Variants in EXOSC10 observed in about 807,000 individuals in gnomAD.
EXOSC10 encodes the protein exosome complex component 10.
In EXOSC10, 94 loss-of-function variants were observed where a neutral mutation model predicts 126.6. That is an observed-to-expected ratio of 0.74 (90% confidence interval 0.63 to 0.88). The LOEUF (loss-of-function observed/expected upper bound fraction) is 0.88. Ranked by LOEUF, EXOSC10 falls within the 40% of genes least tolerant of loss-of-function variation. EXOSC10 has a pLI of 0.00. For missense variants in EXOSC10, 1,041 were observed against 1,100.5 expected (o/e 0.95, Z 0.77); for synonymous variants, 395 against 400.8 (o/e 0.99, Z 0.17).
At chr1:11,096,629 C>CGG (rs1641113546) in intron 2 of EXOSC10, among the ~76,000 whole-genome samples, 2 of 151,112 alleles carry the variant, frequency 1.3e-5, no homozygotes, top group African/African-American at 4.9e-5. Flanking sequence ...GAGTGGTGCA[C>CGG]CACCACTCCC....
At chr1:11,081,912 G>A (rs1640186467) in intron 10 of EXOSC10, among the ~76,000 whole-genome samples, 1 of 151,804 alleles carries the variant, frequency 6.6e-6, no homozygotes, top group Non-Finnish European at 1.5e-5. Flanking sequence ...GAGAAACCTC[G>A]TCTCTACTGG....
intron 12 of EXOSC10, 93 bp from the exon 13 acceptor site, chr1:11,080,642 T>C: frequency 6.2e-7 from 1 of 1,603,828 alleles, no homozygotes; most frequent in South Asian, 1.1e-5. Context: ...TAAGTTCCAT[T>C]AGATGCTGTC....
At chr1:11,099,469 C>A (rs1641306138) in intron 1 of EXOSC10, among the ~76,000 whole-genome samples, 1 of 152,210 alleles carries the variant, frequency 6.6e-6, no homozygotes, top group Non-Finnish European at 1.5e-5. Context: ...GAAGCCTTTC[C>A]CAGGATGCGA....
At chr1:11,092,743 T>A (rs1023762718) in intron 3 of EXOSC10, among the ~76,000 whole-genome samples, 2 of 152,188 alleles carry the variant, frequency 1.3e-5, no homozygotes, top group Non-Finnish European at 2.9e-5. Flanking sequence ...GGTCTTGAAC[T>A]CTTGACCTCA....
Position 11,080,804 on chromosome 1 carries a change from A to G in EXOSC10, c.1546T>C (p.Trp516Arg). 1 of 1,614,174 alleles carries G rather than the reference A, an allele frequency of 6.2e-7. No homozygotes were observed. Among genetic ancestry groups the G allele is most frequent in the East Asian group, 2.2e-5 (1 of 44,884 alleles). ...TCCCTGCGAGCTGTTTTATCCCTCC[A>G]GGCAAACAGCAGCTGAAAGGCTGTC... ...QLTAFQLLFA[W>R]RDKTARREDE... The change falls in exon 12 of 25, where the codon TGG becomes CGG. Residue 516 changes from tryptophan to arginine, a missense_variant. By Grantham distance (101) the Trp-to-Arg change is moderately radical. Around this residue, in one of 3 missense-constraint regions of EXOSC10, gnomAD observed 645 missense variants for 656.3 expected, o/e 0.98. Coordinates refer to ENST00000376936, the MANE Select transcript of EXOSC10 (RefSeq NM_001001998.3).
intron 19 of EXOSC10, among the ~76,000 whole-genome samples, chr1:11,073,254 C>T (rs184159354): frequency 6.6e-6 from 1 of 152,062 alleles, no homozygotes; most frequent in East Asian, 1.9e-4. Context: ...TGCCTCAGCC[C>T]CCCGAGTAGC....
chr1:11,095,712 T>A (rs1179455334), intron 3 of EXOSC10, 46 bp downstream of exon 3: 1 of 1,591,854 alleles, frequency 6.3e-7, no homozygotes, highest in East Asian at 2.3e-5. Flanking sequence ...AGACTCCGTC[T>A]CAAAAACAAA....
chr1:11,091,266 A>C, intron 4 of EXOSC10, 87 bp from the exon 5 acceptor site: 1 of 1,299,722 alleles, frequency 7.7e-7, no homozygotes, highest in East Asian at 2.3e-5. Flanking sequence ...CTGAGGAGAC[A>C]AGAACATCGC....
At chr1:11,067,943 C>G in intron 24 of EXOSC10, 65 bp downstream of exon 24, 1 of 1,416,772 alleles carries the variant, frequency 7.1e-7, no homozygotes, top group Non-Finnish European at 9.9e-7. Context: ...CCCCACGGAC[C>G]ACACCACGCA....
At chr1:11,094,562 A>T (rs1032533376) in intron 3 of EXOSC10, among the ~76,000 whole-genome samples, 22 of 150,676 alleles carry the variant, frequency 1.5e-4, no homozygotes, top group Admixed American at 1.5e-3. Context: ...CGGCCTCCCA[A>T]AGTGCTGGGA....
At chr1:11,066,882 G>T in intron 24 of EXOSC10, 134 bp from the exon 25 acceptor site, 2 of 1,018,652 alleles carry the variant, frequency 2.0e-6, no homozygotes, top group Non-Finnish European at 1.5e-6. Flanking sequence ...CAGAGAACTC[G>T]GCGGCCCACC....
rs1315358101 is a variant in EXOSC10, at chr1:11,099,705, G to A, written c.111+16C>T. ...CGCGGGCGACTCCTGGTACCCCCGAGGCCCCGCGAACTCACCTTCACAAAG... is the reference window on the plus strand; with the variant it reads ...CGCGGGCGACTCCTGGTACCCCCGAAGCCCCGCGAACTCACCTTCACAAAG... On this transcript the variant is annotated intron_variant, in intron 1 of 24. Coordinates refer to ENST00000376936, the MANE Select transcript of EXOSC10 (RefSeq NM_001001998.3). 2 of 1,592,914 alleles carry A rather than the reference G, an allele frequency of 1.3e-6. No homozygotes were observed. The highest frequency in any genetic ancestry group is 1.7e-6 in the Non-Finnish European group (2 of 1,168,378).
At chr1:11,096,436 C>T (rs893122550) in intron 2 of EXOSC10, among the ~76,000 whole-genome samples, 3 of 151,284 alleles carry the variant, frequency 2.0e-5, no homozygotes, top group African/African-American at 7.3e-5. Context: ...CAGGTGTGAG[C>T]CATGAGCCCA....
intron 6 of EXOSC10, 50 bp from the exon 7 acceptor site, chr1:11,088,248 C>A: frequency 7.1e-7 from 1 of 1,410,264 alleles, no homozygotes; most frequent in South Asian, 1.2e-5. Context: ...TTCCATGATT[C>A]AAGGGAAAAA....
In EXOSC10 at chr1:11,068,691, T is replaced by C. The variant is rs1313805292; in HGVS notation, c.2504A>G (p.Lys835Arg). ...ATTTGGATCAAACTGAGAAGAAACT[T>C]TGGATTTGCTGTTTCCTGAAAGGTA... ...FKAFAGNSKS[K>R]VSSQFDPNKQ... The change falls in exon 23 of 25, where the codon AAA (lysine) becomes AGA (arginine). Residue 835 changes from lysine to arginine, a missense_variant. Lys to Arg is a conservative substitution (Grantham distance 26). Coordinates refer to ENST00000376936, the MANE Select transcript of EXOSC10 (RefSeq NM_001001998.3). 1.7e-5 allele frequency: 27 copies of C among 1,613,976 alleles called. No individual in the cohort carries two copies. Among genetic ancestry groups the C allele is most frequent in the Non-Finnish European group, 2.3e-5 (27 of 1,179,994 alleles).
chr1:11,095,299 T>C (rs932245885), intron 3 of EXOSC10: 16 of 152,182 alleles, frequency 1.1e-4, no homozygotes, highest in African/African-American at 3.9e-4. Context: ...ATACCAACTA[T>C]TAGAAGGGAA....
intron 4 of EXOSC10, 58 bp from the exon 5 acceptor site, chr1:11,091,237 A>ACT: frequency 6.6e-7 from 1 of 1,504,734 alleles, no homozygotes; most frequent in Non-Finnish European, 9.1e-7. Context: ...TTAGAAAAGT[A>ACT]AATTCCAATT....
intron 16 of EXOSC10, 48 bp downstream of exon 16, chr1:11,077,317 G>T: frequency 6.4e-7 from 1 of 1,568,752 alleles, no homozygotes; most frequent in Non-Finnish European, 8.7e-7. Context: ...AGACAAGGTA[G>T]CTGTGTCCCA....
chr1:11,080,736 A>G (rs746365268), intron 12 of EXOSC10, 28 bp downstream of exon 12: 1 of 1,613,316 alleles, frequency 6.2e-7, no homozygotes, highest in South Asian at 1.1e-5. Flanking sequence ...TCTGGAAACA[A>G]GTATTAAAAG....
Sources: gnomAD v4.1 joint callset for allele counts (sites outside exome capture counted in the v4.1 genomes callset) on GRCh38, gnomAD v4.1.1 for gene constraint, gnomAD v4.1.1 regional missense constraint, MANE v1.5 for transcripts, NCBI Gene and HGNC (gene_info 2026-07-23, HGNC 2026-07-21) for gene names.